Variants in ERGIC1 observed in about 807,000 individuals in gnomAD.
ERGIC1 encodes the protein endoplasmic reticulum-Golgi intermediate compartment protein 1.
In ERGIC1, 19 loss-of-function variants were observed where a neutral mutation model predicts 38.3. That is an observed-to-expected ratio of 0.50 (90% confidence interval 0.35 to 0.73). The LOEUF (loss-of-function observed/expected upper bound fraction) is 0.73, where lower values mean the gene tolerates loss of function less well. Ranked by LOEUF, ERGIC1 falls within the 30% of genes least tolerant of loss-of-function variation. The pLI is 0.01. For missense variants in ERGIC1, 294 were observed against 389.2 expected (o/e 0.76, Z 2.06); for synonymous variants, 124 against 157.6 (o/e 0.79, Z 1.60).
intron 2 of ERGIC1, among the ~76,000 whole-genome samples, chr5:172,889,773 G>A (rs1445369855): frequency 6.6e-6 from 1 of 152,110 alleles, no homozygotes; most frequent in Non-Finnish European, 1.5e-5. Context: ...CTCAGATTTT[G>A]GATATCAGAT....
intron 3 of ERGIC1, among the ~76,000 whole-genome samples, chr5:172,902,706 G>T (rs376196816): frequency 6.6e-6 from 1 of 152,244 alleles, no homozygotes; most frequent in East Asian, 1.9e-4. Context: ...GACGACTCAG[G>T]ATTTGAAACT....
chr5:172,858,880 C>G (rs79569570), intron 1 of ERGIC1, among the ~76,000 whole-genome samples: 1 of 152,182 alleles, frequency 6.6e-6, no homozygotes, highest in East Asian at 1.9e-4. Context: ...GTGGGTAACA[C>G]GGGGGAGATT....
chr5:172,900,910 T>G (rs1762860190), intron 3 of ERGIC1, among the ~76,000 whole-genome samples: 1 of 152,032 alleles, frequency 6.6e-6, no homozygotes, highest in Admixed American at 6.6e-5. Flanking sequence ...GGTATAGGAG[T>G]TGCCCGAAGG....
Position 172,914,694 on chromosome 5 carries a change from T to C in ERGIC1, c.251-20T>C. 1 of 1,613,926 alleles carries C rather than the reference T, an allele frequency of 6.2e-7. No homozygotes were observed. The highest frequency in any genetic ancestry group is 1.3e-5 in the African/African-American group (1 of 75,030). On this transcript the variant is annotated intron_variant, in intron 4 of 9. Transcript: ENST00000393784. ...CGCGTCTCTGGGTTTGTGACTGTTGTCTCCCTTTGGCTCCTGCAGTGGTTG... is the reference window on the plus strand; with the variant it reads ...CGCGTCTCTGGGTTTGTGACTGTTGCCTCCCTTTGGCTCCTGCAGTGGTTG...
At chr5:172,877,732 G>A (rs1762182844) in intron 1 of ERGIC1, among the ~76,000 whole-genome samples, 1 of 152,080 alleles carries the variant, frequency 6.6e-6, no homozygotes, top group Non-Finnish European at 1.5e-5. Flanking sequence ...CCCTTTGGCT[G>A]GATGTTTGGA....
intron 9 of ERGIC1, among the ~76,000 whole-genome samples, chr5:172,943,478 C>T (rs1014503448): frequency 2.0e-5 from 3 of 152,038 alleles, no homozygotes; most frequent in African/African-American, 7.2e-5. Context: ...CCTGATGAGA[C>T]TCCAATTCAT....
intron 3 of ERGIC1, among the ~76,000 whole-genome samples, chr5:172,901,393 C>T (rs985699585): frequency 1.3e-5 from 2 of 152,248 alleles, no homozygotes; most frequent in East Asian, 3.9e-4. Flanking sequence ...AACCTGGCCA[C>T]AGAATGTTCC....
At chr5:172,907,549 C>T (rs889096242) in intron 3 of ERGIC1, among the ~76,000 whole-genome samples, 2 of 150,646 alleles carry the variant, frequency 1.3e-5, no homozygotes, top group African/African-American at 4.9e-5. Flanking sequence ...CAGAGCAAGA[C>T]TCTGTCAAAA....
chr5:172,854,595 G>A (rs1193253506), intron 1 of ERGIC1, among the ~76,000 whole-genome samples: 2 of 152,248 alleles, frequency 1.3e-5, no homozygotes, highest in Non-Finnish European at 2.9e-5. Context: ...CATGGTCCCG[G>A]TGTGGGTGAG....
chr5:172,839,941 C>T (rs1257528904), intron 1 of ERGIC1, among the ~76,000 whole-genome samples: 1 of 152,194 alleles, frequency 6.6e-6, no homozygotes, highest in African/African-American at 2.4e-5. Flanking sequence ...TTTCTCTTTT[C>T]CATTCACTAA....
chr5:172,877,454 ATATAT>A (rs1479186814), intron 1 of ERGIC1, among the ~76,000 whole-genome samples: 77 of 121,942 alleles, frequency 6.3e-4, no homozygotes, highest in African/African-American at 2.4e-3. Flanking sequence ...ATATATATAT[ATATAT>A]TTTTTTTTTT....
At chr5:172,907,015 A>G (rs927174498) in intron 3 of ERGIC1, among the ~76,000 whole-genome samples, 5 of 152,310 alleles carry the variant, frequency 3.3e-5, no homozygotes, top group African/African-American at 1.2e-4. Context: ...GAAACACAGC[A>G]GTGTGTCTGC....
Position 172,926,659 on chromosome 5 carries a change from TC to T in ERGIC1, c.541+92del. On this transcript the variant is annotated intron_variant, in intron 7 of 9. Coordinates refer to ENST00000393784, the MANE Select transcript of ERGIC1 (RefSeq NM_001031711.3). This position sits in a 1 kb window ranked among gnomAD's most constrained non-coding sequence, Gnocchi z 5.2. The stretch of plus-strand genomic sequence containing the variant: ...GAGGGCAGAGAGGTGGGGGTGCCTG[TC>T]CAGCACCCACTCCAAGGCAGGGAGG... The T allele has an allele frequency of 7.1e-7, 1 of 1,408,614 alleles. No individual in the cohort carries two copies. The highest frequency in any genetic ancestry group is 9.9e-7 in the Non-Finnish European group (1 of 1,006,978). 87.3% of individuals were successfully genotyped at this position (1,408,614 alleles called of 1,614,324 possible). A position where few individuals can be genotyped will look rare whatever the true frequency, so the allele number is the denominator to read the frequency against.
At chr5:172,871,751 T>A (rs1762015628) in intron 1 of ERGIC1, among the ~76,000 whole-genome samples, 1 of 152,170 alleles carries the variant, frequency 6.6e-6, no homozygotes, top group African/African-American at 2.4e-5. Context: ...GAACAAAGAA[T>A]GTTGGCGGGC....
chr5:172,949,881 C>T (rs778901413), intron 9 of ERGIC1, among the ~76,000 whole-genome samples: 79 of 152,176 alleles, frequency 5.2e-4, no homozygotes, highest in East Asian at 4.3e-3. Context: ...CTGGCTAACA[C>T]GGTGAAACAC....
chr5:172,869,356 G>A (rs529672485), intron 1 of ERGIC1, among the ~76,000 whole-genome samples: 94 of 152,332 alleles, frequency 6.2e-4, no homozygotes, highest in African/African-American at 2.2e-3. Flanking sequence ...ATTTTGCTCA[G>A]GAGCCAAGTA....
chr5:172,848,371 TAGAG>T lies in ERGIC1; in HGVS notation c.20+13941_20+13944del, dbSNP rs201231609. On this transcript the variant is annotated intron_variant, in intron 1 of 9. Coordinates refer to ENST00000393784, the MANE Select transcript of ERGIC1 (RefSeq NM_001031711.3). ...AAGGAAGGCAAAGTAGATGGGGCGA[TAGAG>T]AGTTTATAGAGAAGGAGCTCACTGG... 5.8e-3 allele frequency among the ~76,000 whole-genome samples: 887 copies of T among 152,272 alleles called. 7 individuals are homozygous for T. The highest frequency in any genetic ancestry group is 0.02 in the African/African-American group (828 of 41,564).
chr5:172,893,635 G>A (rs1762623698), intron 2 of ERGIC1, among the ~76,000 whole-genome samples: 1 of 151,824 alleles, frequency 6.6e-6, no homozygotes, highest in Admixed American at 6.6e-5. Flanking sequence ...CAGTTTGCGG[G>A]TGAGAAAGGG....
Position 172,834,313 on chromosome 5 carries a change from CG to C in ERGIC1, c.-96del. ...TGGCGAGTGTCAGGGGGGCGGCCGG[CG>C]GGGGCGGGGCGGCCGGAGGAGGCGT... On this transcript the variant is annotated 5_prime_UTR_variant, in exon 1 of 10. Transcript: ENST00000393784. This position sits in a 1 kb window ranked among gnomAD's most constrained non-coding sequence, Gnocchi z 4.1. 3 of 1,088,724 alleles carry C rather than the reference CG, an allele frequency of 2.8e-6. No individual in the cohort carries two copies. Among genetic ancestry groups the C allele is most frequent in the Non-Finnish European group, 3.4e-6 (3 of 883,494 alleles). 67.4% of individuals were successfully genotyped at this position (1,088,724 alleles called of 1,614,324 possible).
Sources: gnomAD v4.1 joint callset for allele counts (sites outside exome capture counted in the v4.1 genomes callset) on GRCh38, gnomAD v4.1.1 for gene constraint, Gnocchi (gnomAD v3.1) non-coding constraint, MANE v1.5 for transcripts, NCBI Gene and HGNC (gene_info 2026-07-23, HGNC 2026-07-21) for gene names.